PRKCA: variants seen among roughly 807,000 people sequenced by gnomAD.
PRKCA encodes the protein protein kinase C alpha type.
A neutral mutation model predicts 87.0 loss-of-function variants in PRKCA; 27 were observed. That is an observed-to-expected ratio of 0.31 (90% CI 0.23 to 0.43). The LOEUF (loss-of-function observed/expected upper bound fraction) is 0.43, where lower values mean the gene tolerates loss of function less well. Among genes scored for constraint, PRKCA ranks in the 20% least tolerant of loss-of-function variants. PRKCA has a pLI of 1.00. For missense variants in PRKCA, 518 were observed against 852.3 expected, an observed-to-expected ratio of 0.61 and a Z score of 4.88; for synonymous variants, 329 against 311.1, an observed-to-expected ratio of 1.06 and a Z score of -0.61.
chr17:66,452,390 T>G (rs550999697), intron 2 of PRKCA, among the ~76,000 whole-genome samples: 3 of 152,330 alleles, frequency 2.0e-5, no homozygotes, highest in African/African-American at 7.2e-5. Flanking sequence ...CATCTGTTTT[T>G]GTGAGGCTTA....
chr17:66,549,425 C>G (rs1356141020), intron 3 of PRKCA, among the ~76,000 whole-genome samples: 1 of 152,136 alleles, frequency 6.6e-6, no homozygotes, highest in Non-Finnish European at 1.5e-5. Context: ...TCCCTTCTGC[C>G]ATGCAATAAT....
chr17:66,805,452 G>A lies in PRKCA; in HGVS notation c.*1415G>A, dbSNP rs946840451. Reference sequence around the variant, plus strand: ...TAATTAAGTTTTAGCTGAATCCCTTGCTTCTGTGCTTTCCCTCCCTGCACA... The same window carrying A: ...TAATTAAGTTTTAGCTGAATCCCTTACTTCTGTGCTTTCCCTCCCTGCACA... On this transcript the variant is annotated 3_prime_UTR_variant, in exon 17 of 17. Coordinates refer to ENST00000413366, the MANE Select transcript of PRKCA (RefSeq NM_002737.3). The A allele has an allele frequency of 1.6e-4, 24 of 152,410 alleles. No homozygotes were observed. Among genetic ancestry groups the A allele is most frequent in the African/African-American group, 5.6e-4 (23 of 41,386 alleles). 9.4% of individuals were successfully genotyped at this position (152,410 alleles called of 1,614,324 possible). A position where few individuals can be genotyped will look rare whatever the true frequency, so the allele number is the denominator to read the frequency against.
At chr17:66,400,538 G>A (rs1351306097) in intron 2 of PRKCA, among the ~76,000 whole-genome samples, 3 of 152,134 alleles carry the variant, frequency 2.0e-5, no homozygotes, top group Non-Finnish European at 4.4e-5. Context: ...ACAACTCTTC[G>A]TTGCTTCCAC....
intron 3 of PRKCA, among the ~76,000 whole-genome samples, chr17:66,569,001 C>T (rs1968982943): frequency 6.6e-6 from 1 of 151,964 alleles, no homozygotes; most frequent in Non-Finnish European, 1.5e-5. Flanking sequence ...ATTTTAAAAA[C>T]CTCAACCACA....
chr17:66,630,952 C>A (rs995594261), intron 3 of PRKCA, among the ~76,000 whole-genome samples: 1 of 152,158 alleles, frequency 6.6e-6, no homozygotes, highest in African/African-American at 2.4e-5. Flanking sequence ...ACACCCGGCC[C>A]TGTTGACTTC....
At chr17:66,552,539 A>T (rs938378959) in intron 3 of PRKCA, among the ~76,000 whole-genome samples, 1 of 152,126 alleles carries the variant, frequency 6.6e-6, no homozygotes, top group African/African-American at 2.4e-5. Context: ...TTCCTCGTTG[A>T]CGTTAGACTG....
intron 3 of PRKCA, among the ~76,000 whole-genome samples, chr17:66,528,144 G>T (rs183425057): frequency 6.0e-4 from 91 of 150,808 alleles, no homozygotes; most frequent in African/African-American, 1.7e-3. Flanking sequence ...CTTGAACCCG[G>T]GAGGCAGAGG....
rs555037297 is a variant in PRKCA at position 66,633,768 on chromosome 17, C to T, written c.289-7587C>T. On this transcript the variant is annotated intron_variant, in intron 3 of 16. Transcript: ENST00000413366. ...ACTCATTGCATTAAAAGCACATGTG[C>T]AGTGATGTCAGTTCAAATATGAACA... 2.0e-5 allele frequency among the ~76,000 whole-genome samples: 3 copies of T among 152,316 alleles called. No individual in the cohort carries two copies. In the East Asian group the frequency reaches 5.8e-4, roughly 29 times the overall value.
Position 66,322,881 on chromosome 17 carries a change from T to C in PRKCA, c.205+16754T>C, listed in dbSNP as rs568202035. ...CATGCAAAACAAATGCATAGTTTAA[T>C]GAATTATATGTCAACATTCCTGTAA... On this transcript the variant is annotated intron_variant, in intron 2 of 16. Transcript: ENST00000413366. 5.3e-5 allele frequency among the ~76,000 whole-genome samples: 8 copies of C among 152,328 alleles called. No individual in the cohort carries two copies. The South Asian group carries it at 1.7e-3, about 32-fold the overall frequency.
intron 5 of PRKCA, among the ~76,000 whole-genome samples, chr17:66,652,178 C>T (rs761844966): frequency 3.3e-5 from 5 of 152,080 alleles, no homozygotes; most frequent in Non-Finnish European, 5.9e-5. Context: ...AGGCTGATCT[C>T]GAACTCCTGA....
chr17:66,557,538 A>C (rs1281435829), intron 3 of PRKCA, among the ~76,000 whole-genome samples: 1 of 152,192 alleles, frequency 6.6e-6, no homozygotes, highest in East Asian at 1.9e-4. Context: ...CGAATGAATA[A>C]ATTCAACATA....
At chr17:66,374,589 G>A (rs917742570) in intron 2 of PRKCA, among the ~76,000 whole-genome samples, 30 of 152,112 alleles carry the variant, frequency 2.0e-4, no homozygotes, top group African/African-American at 7.0e-4. Context: ...AAACAATCAA[G>A]TCTTGTTCGA....
At chr17:66,462,136 A>C (rs1257544304) in intron 2 of PRKCA, among the ~76,000 whole-genome samples, 1 of 152,158 alleles carries the variant, frequency 6.6e-6, no homozygotes, top group Non-Finnish European at 1.5e-5. Flanking sequence ...CTCAAGTTGG[A>C]CAGACAAATC....
chr17:66,362,851 T>C (rs1277617577), intron 2 of PRKCA, among the ~76,000 whole-genome samples: 1 of 152,092 alleles, frequency 6.6e-6, no homozygotes, highest in East Asian at 1.9e-4. Context: ...TGTGCCGCCA[T>C]GCCAGGCTAA....
intron 3 of PRKCA, among the ~76,000 whole-genome samples, chr17:66,550,195 T>C (rs888931046): frequency 2.6e-5 from 4 of 152,208 alleles, no homozygotes; most frequent in Non-Finnish European, 5.9e-5. Flanking sequence ...ATCCCAAGAC[T>C]AAAACCAGTT....
intron 10 of PRKCA, among the ~76,000 whole-genome samples, chr17:66,736,152 G>A (rs944140040): frequency 9.2e-5 from 14 of 151,614 alleles, no homozygotes; most frequent in African/African-American, 2.9e-4. Flanking sequence ...AAAGTGCTGG[G>A]ACTACAGGTG....
chr17:66,503,053 A>G lies in PRKCA; in HGVS notation c.288+6770A>G, dbSNP rs1916814606. On this transcript the variant is annotated intron_variant, in intron 3 of 16. Transcript: ENST00000413366. Reference sequence around the variant, plus strand: ...ACACATGCTAAGCAACTGTTTACACATAATCTTTAGAGTGTTTACTCTGTG... The same window carrying G: ...ACACATGCTAAGCAACTGTTTACACGTAATCTTTAGAGTGTTTACTCTGTG... Among the ~76,000 whole-genome samples the G allele has an allele frequency of 2.6e-5, 4 of 152,342 alleles. No individual in the cohort carries two copies. In the South Asian group the frequency reaches 8.3e-4, roughly 32 times the overall value.
intron 3 of PRKCA, among the ~76,000 whole-genome samples, chr17:66,591,293 C>T (rs757236740): frequency 6.6e-6 from 1 of 151,812 alleles, no homozygotes; most frequent in Non-Finnish European, 1.5e-5. Flanking sequence ...CCTAGGACTA[C>T]AGGCGTGCAC....
intron 2 of PRKCA, among the ~76,000 whole-genome samples, chr17:66,477,268 A>G (rs1210817070): frequency 6.6e-6 from 1 of 152,250 alleles, no homozygotes; most frequent in Non-Finnish European, 1.5e-5. Flanking sequence ...AAAATTATTT[A>G]AAATTTGGAA....
Sources: allele counts gnomAD v4.1 joint callset (sites outside exome capture counted in the v4.1 genomes callset), GRCh38; gene constraint gnomAD v4.1.1; transcripts MANE v1.5; gene names NCBI Gene and HGNC (gene_info 2026-07-23, HGNC 2026-07-21).